CCDC175: variants seen among roughly 807,000 people sequenced by gnomAD.
CCDC175 encodes the protein coiled-coil domain containing 175.
Under a neutral mutation model 114.6 loss-of-function variants are expected in CCDC175, and 100 were observed. That is an observed-to-expected ratio of 0.87 (90% CI 0.74 to 1.03). CCDC175 has a LOEUF of 1.03. Among genes scored for constraint, CCDC175 ranks in the 50% least tolerant of loss-of-function variants. The pLI is 0.00. For synonymous variants in CCDC175, 306 were observed against 308.7 expected (o/e 0.99, Z 0.09); for missense variants, 880 against 917.8 (o/e 0.96, Z 0.53).
intron 17 of CCDC175, among the ~76,000 whole-genome samples, chr14:59,518,995 A>T (rs370492518): frequency 1.3e-5 from 2 of 152,242 alleles, no homozygotes; most frequent in African/African-American, 4.8e-5. Context: ...GCCATAAAAA[A>T]TGATGAGTTC....
chr14:59,576,580 TGAG>T (rs1223282333), intron 1 of CCDC175, 36 bp downstream of exon 1: 2 of 1,390,238 alleles, frequency 1.4e-6, no homozygotes, highest in Non-Finnish European at 9.3e-7. Flanking sequence ...GCGCCACCTC[TGAG>T]GAGACGTCCC....
intron 17 of CCDC175, among the ~76,000 whole-genome samples, chr14:59,517,068 C>T (rs900899615): frequency 6.6e-6 from 1 of 152,104 alleles, no homozygotes; most frequent in African/African-American, 2.4e-5. Flanking sequence ...AAGACAAAAA[C>T]CATATGATTA....
chr14:59,556,820 C>T (rs1328946468), intron 7 of CCDC175, among the ~76,000 whole-genome samples: 6 of 152,172 alleles, frequency 3.9e-5, no homozygotes, highest in Non-Finnish European at 8.8e-5. Flanking sequence ...TGAACAGACA[C>T]TTCTCAAAAG....
intron 19 of CCDC175, among the ~76,000 whole-genome samples, chr14:59,507,119 T>A (rs1465253004): frequency 1.3e-5 from 2 of 152,196 alleles, no homozygotes; most frequent in Non-Finnish European, 2.9e-5. Flanking sequence ...GTAATTAGTT[T>A]TCAGGAAGAA....
At chr14:59,559,108 T>C (rs529894773) in intron 7 of CCDC175, among the ~76,000 whole-genome samples, 4 of 152,218 alleles carry the variant, frequency 2.6e-5, no homozygotes, top group Admixed American at 6.5e-5. Flanking sequence ...TGAAACCACG[T>C]TGGCGCAAAA....
At chr14:59,575,112 A>C (rs545810200) in intron 1 of CCDC175, 84 bp from the exon 2 acceptor site, 1 of 673,582 alleles carries the variant, frequency 1.5e-6, no homozygotes, top group African/African-American at 1.8e-5. Flanking sequence ...TCAAATGCTT[A>C]CTCGGCTGGA....
At chr14:59,539,269 T>C (rs768133289) in intron 11 of CCDC175, among the ~76,000 whole-genome samples, 2 of 152,170 alleles carry the variant, frequency 1.3e-5, no homozygotes, top group African/African-American at 2.4e-5. Context: ...GCTACATATT[T>C]GAAGAATGGT....
chr14:59,555,830 C>T (rs1049968107), intron 7 of CCDC175, among the ~76,000 whole-genome samples: 20 of 152,122 alleles, frequency 1.3e-4, no homozygotes, highest in Admixed American at 2.6e-4. Context: ...AACAGACAAA[C>T]AGAGAGCCAA....
chr14:59,511,329 C>A (rs1454044679), intron 18 of CCDC175, among the ~76,000 whole-genome samples: 2 of 152,002 alleles, frequency 1.3e-5, no homozygotes, highest in Non-Finnish European at 2.9e-5. Flanking sequence ...AGTGGCAGAG[C>A]CAGGATTTTG....
In CCDC175 at chr14:59,527,086, A is replaced by G. The variant is rs1363687332; in HGVS notation, c.1842+9T>C. 1 of 1,355,874 alleles carries G rather than the reference A, an allele frequency of 7.4e-7. No homozygotes were observed. Among genetic ancestry groups the G allele is most frequent in the Non-Finnish European group, 9.8e-7 (1 of 1,020,258 alleles). 84.0% of individuals were successfully genotyped at this position (1,355,874 alleles called of 1,614,324 possible). A position where few individuals can be genotyped will look rare whatever the true frequency, so the allele number is the denominator to read the frequency against. On this transcript the variant is annotated intron_variant, in intron 15 of 19. Coordinates refer to ENST00000537690, the MANE Select transcript of CCDC175 (RefSeq NM_001164399.2). ...AATAAAAAAAAGAATTAATGCATTG[A>G]TCTTTTACCATGTTGCTAATGTATC...
At chr14:59,513,885 C>T (rs947947421) in intron 17 of CCDC175, among the ~76,000 whole-genome samples, 1 of 152,210 alleles carries the variant, frequency 6.6e-6, no homozygotes, top group African/African-American at 2.4e-5. Flanking sequence ...ACGTCCTTGA[C>T]CCCCGAGTAG....
intron 19 of CCDC175, among the ~76,000 whole-genome samples, chr14:59,506,296 T>G (rs1032249934): frequency 8.6e-5 from 13 of 150,404 alleles, no homozygotes; most frequent in Non-Finnish European, 1.5e-4. Context: ...TTTTTCTTTT[T>G]TTTTTTTTGA....
chr14:59,508,897 G>T (rs1169407909), intron 19 of CCDC175, among the ~76,000 whole-genome samples: 1 of 152,098 alleles, frequency 6.6e-6, no homozygotes, highest in African/African-American at 2.4e-5. Context: ...TTATTTATAA[G>T]CTACCCAGTG....
At chr14:59,514,708 A>ATG (rs1892966110) in intron 17 of CCDC175, among the ~76,000 whole-genome samples, 1 of 152,240 alleles carries the variant, frequency 6.6e-6, no homozygotes, top group Non-Finnish European at 1.5e-5. Flanking sequence ...CCTGAAAGTG[A>ATG]CAGGGAGAAT....
At chr14:59,508,434 A>ACACACACACAC in intron 19 of CCDC175, among the ~76,000 whole-genome samples, 1 of 150,304 alleles carries the variant, frequency 6.7e-6, no homozygotes, top group Non-Finnish European at 1.5e-5. Flanking sequence ...ACACACACAC[A>ACACACACACAC]CACTGCAGCC....
chr14:59,554,886 G>A lies in CCDC175; in HGVS notation c.954-3450C>T, dbSNP rs1211199555. Among the ~76,000 whole-genome samples the A allele has an allele frequency of 5.3e-5, 8 of 152,180 alleles. No homozygotes were observed. In the East Asian group the frequency reaches 1.5e-3, roughly 29 times the overall value. On this transcript the variant is annotated intron_variant, in intron 7 of 19. Coordinates refer to ENST00000537690, the MANE Select transcript of CCDC175 (RefSeq NM_001164399.2). ...TCTAGAATAAATGGATAAATTCCTCGACACATACACCCTCCGAAGACTAAA... is the reference window on the plus strand; with the variant it reads ...TCTAGAATAAATGGATAAATTCCTCAACACATACACCCTCCGAAGACTAAA...
intron 8 of CCDC175, among the ~76,000 whole-genome samples, chr14:59,548,859 C>T (rs949052494): frequency 6.6e-6 from 1 of 152,092 alleles, no homozygotes; most frequent in Non-Finnish European, 1.5e-5. Context: ...TGGGAGGGAG[C>T]TGCCTTTGAT....
intron 10 of CCDC175, among the ~76,000 whole-genome samples, chr14:59,542,157 ATC>A (rs1485246133): frequency 6.6e-6 from 1 of 152,170 alleles, no homozygotes; most frequent in Non-Finnish European, 1.5e-5. Flanking sequence ...GCACAGAAAA[ATC>A]TGACTTGCTT....
intron 14 of CCDC175, among the ~76,000 whole-genome samples, chr14:59,528,886 A>G (rs1299205989): frequency 3.3e-5 from 5 of 152,078 alleles, no homozygotes; most frequent in Admixed American, 1.3e-4. Flanking sequence ...ATCTTTAAGC[A>G]TCATTTTCTT....
Sources: allele counts gnomAD v4.1 joint callset (sites outside exome capture counted in the v4.1 genomes callset), GRCh38; gene constraint gnomAD v4.1.1; transcripts MANE v1.5; gene names NCBI Gene and HGNC (gene_info 2026-07-23, HGNC 2026-07-21).